LRRC37A2: variants seen among roughly 807,000 people sequenced by gnomAD.
LRRC37A2 encodes leucine-rich repeat-containing protein 37A2.
In LRRC37A2, 9 loss-of-function variants were observed where a neutral mutation model predicts 68.8. The observed-to-expected ratio is 0.13, with a 90% CI of 0.08 to 0.23. LRRC37A2 has a LOEUF of 0.23. LRRC37A2 is among the 10% of genes least tolerant of loss of function. The pLI is 1.00. For synonymous variants in LRRC37A2, 63 were observed against 367.6 expected, an observed-to-expected ratio of 0.17 and a Z score of 9.48; for missense variants, 168 against 950.4, an observed-to-expected ratio of 0.18 and a Z score of 10.82.
chr17:46,768,313 T>C, the LRRC37A2 span: 1 of 1,613,460 alleles, frequency 6.2e-7, no homozygotes, highest in East Asian at 2.2e-5. This position sits in a 1 kb window ranked among gnomAD's most constrained non-coding sequence, Gnocchi z 5.0. Flanking sequence ...GAGCCCTACC[T>C]GGTGCCCTAC....
the LRRC37A2 span, among the ~76,000 whole-genome samples, chr17:47,014,470 A>C: frequency 1.3e-5 from 2 of 152,194 alleles, no homozygotes; most frequent in Non-Finnish European, 2.9e-5. Flanking sequence ...ATTCAAAACA[A>C]GCAGCAGAAT....
At position 46,541,309 on chromosome 17, in the gene LRRC37A2, C is replaced by T. The variant is rs539435408; in HGVS notation, c.3053+428C>T. Among the ~76,000 whole-genome samples, 24 of 150,010 alleles carry T rather than the reference C, an allele frequency of 1.6e-4. 1 individual carries two copies. Among genetic ancestry groups the T allele is most frequent in the South Asian group, 8.3e-4 (4 of 4,798 alleles). On this transcript the variant is annotated intron_variant, in intron 8 of 14. Transcript: ENST00000576629. ...CTCTGTCGCCCAGGCTGCAGTGCAGCGGCATGACCTAGGCTCACTGCAACC... is the reference window on the plus strand; with the variant it reads ...CTCTGTCGCCCAGGCTGCAGTGCAGTGGCATGACCTAGGCTCACTGCAACC...
chr17:46,962,025 T>C, the LRRC37A2 span, among the ~76,000 whole-genome samples: 1 of 151,954 alleles, frequency 6.6e-6, no homozygotes, highest in Non-Finnish European at 1.5e-5. Context: ...TGGGGCATAG[T>C]TGGAATTCCA....
chr17:46,977,242 T>C, the LRRC37A2 span, among the ~76,000 whole-genome samples: 110,629 of 152,120 alleles, frequency 0.73, 41,121 homozygotes, highest in Non-Finnish European at 0.8. Context: ...CAGCTAAGAC[T>C]TCAGTCACCT....
the LRRC37A2 span, among the ~76,000 whole-genome samples, chr17:46,497,747 C>A: frequency 7.0e-6 from 1 of 142,154 alleles, no homozygotes; most frequent in East Asian, 2.1e-4. Flanking sequence ...TATCTACATA[C>A]ATATACAATG....
chr17:46,917,238 T>C, the LRRC37A2 span: 1 of 152,228 alleles, frequency 6.6e-6, no homozygotes, highest in Non-Finnish European at 1.5e-5. Flanking sequence ...ACTCAAGGCA[T>C]GATTCATCCC....
the LRRC37A2 span, among the ~76,000 whole-genome samples, chr17:46,909,270 A>G: frequency 6.6e-6 from 1 of 152,116 alleles, no homozygotes. Flanking sequence ...GGCTCAAGCA[A>G]TCCTCCTGCA....
At chr17:46,976,390 A>G in the LRRC37A2 span, among the ~76,000 whole-genome samples, 1 of 151,570 alleles carries the variant, frequency 6.6e-6, no homozygotes, top group South Asian at 2.1e-4. Context: ...AAATAAATAA[A>G]TAAATAATTA....
chr17:46,598,622 A>G, the LRRC37A2 span, among the ~76,000 whole-genome samples: 1 of 152,180 alleles, frequency 6.6e-6, no homozygotes, highest in Admixed American at 6.5e-5. Flanking sequence ...AAGATGTTAG[A>G]GGTAAAATTT....
At chr17:46,728,684 C>A in the LRRC37A2 span, among the ~76,000 whole-genome samples, 1 of 150,406 alleles carries the variant, frequency 6.6e-6, no homozygotes, top group South Asian at 2.1e-4. Context: ...AGTTTTATGA[C>A]TGTTATTTAA....
chr17:46,932,519 A>G, the LRRC37A2 span: 1 of 573,388 alleles, frequency 1.7e-6, no homozygotes, highest in Non-Finnish European at 3.1e-6. Context: ...TCAGATAGAG[A>G]CAGATGATTA....
chr17:46,782,229 C>T, the LRRC37A2 span, among the ~76,000 whole-genome samples: 1 of 152,376 alleles, frequency 6.6e-6, no homozygotes, highest in South Asian at 2.1e-4. Context: ...GGGAAGGCAT[C>T]TTAAGACTCT....
the LRRC37A2 span, among the ~76,000 whole-genome samples, chr17:46,980,119 C>G: frequency 6.7e-6 from 1 of 150,030 alleles, no homozygotes; most frequent in Non-Finnish European, 1.5e-5. Flanking sequence ...CCAACCTCCC[C>G]ACCCCAACCA....
chr17:46,797,583 T>C, the LRRC37A2 span, among the ~76,000 whole-genome samples: 1 of 152,294 alleles, frequency 6.6e-6, no homozygotes, highest in East Asian at 1.9e-4. Flanking sequence ...GGAAAACAGT[T>C]TGGCATCATC....
chr17:46,947,837 C>T, the LRRC37A2 span, among the ~76,000 whole-genome samples: 2 of 152,172 alleles, frequency 1.3e-5, no homozygotes, highest in African/African-American at 2.4e-5. Context: ...GGCACAATCT[C>T]GGCTCACCGT....
the LRRC37A2 span, among the ~76,000 whole-genome samples, chr17:46,871,943 G>T: frequency 1.2e-3 from 181 of 152,334 alleles, no homozygotes; most frequent in African/African-American, 4.2e-3. Context: ...AAACATGTTA[G>T]ATTGGTACAG....
At chr17:46,976,572 A>T in the LRRC37A2 span, among the ~76,000 whole-genome samples, 1 of 151,898 alleles carries the variant, frequency 6.6e-6, no homozygotes, top group African/African-American at 2.4e-5. Flanking sequence ...AAACCAAAAA[A>T]ACAAATTTAA....
chr17:46,769,328 A>G, the LRRC37A2 span, among the ~76,000 whole-genome samples: 38 of 152,116 alleles, frequency 2.5e-4, no homozygotes, highest in Non-Finnish European at 4.0e-4. Context: ...AAAAAAAAAA[A>G]AAAAGAAAAG....
chr17:46,467,436 G>A, the LRRC37A2 span, among the ~76,000 whole-genome samples: 2 of 91,118 alleles, frequency 2.2e-5, 1 homozygote, highest in East Asian at 5.0e-4. Context: ...ACCCTAATGA[G>A]ATACTGAGGA....
Sources: gnomAD v4.1 joint callset for allele counts (sites outside exome capture counted in the v4.1 genomes callset) on GRCh38, gnomAD v4.1.1 for gene constraint, Gnocchi (gnomAD v3.1) non-coding constraint, MANE v1.5 for transcripts, NCBI Gene and HGNC (gene_info 2026-07-23, HGNC 2026-07-21) for gene names.